PTPRD: variants seen among roughly 807,000 people sequenced by gnomAD.
The protein encoded by PTPRD is receptor-type tyrosine-protein phosphatase delta.
In PTPRD, 34 loss-of-function variants were observed where a neutral mutation model predicts 214.5. That is an observed-to-expected ratio of 0.16 (90% CI 0.12 to 0.21). The LOEUF (loss-of-function observed/expected upper bound fraction) is 0.21. Ranked by LOEUF, PTPRD falls within the 10% of genes least tolerant of loss-of-function variation. The pLI is 1.00. For synonymous variants in PTPRD, 1,128 were observed against 845.7 expected (o/e 1.33, Z -5.79); for missense variants, 2,545 against 2,398.7 (o/e 1.06, Z -1.27).
chr9:8,414,233 C>G (rs1046929686), intron 35 of PTPRD, among the ~76,000 whole-genome samples: 1 of 152,166 alleles, frequency 6.6e-6, no homozygotes, highest in African/African-American at 2.4e-5. Flanking sequence ...TGGCTCCCAG[C>G]TCACAAGTGG....
chr9:9,174,054 A>T (rs2099923117), intron 10 of PTPRD, among the ~76,000 whole-genome samples: 1 of 152,216 alleles, frequency 6.6e-6, no homozygotes, highest in Non-Finnish European at 1.5e-5. Context: ...AAGTATCTTT[A>T]AAAAATACTA....
intron 8 of PTPRD, among the ~76,000 whole-genome samples, chr9:9,429,476 A>C (rs113647948): frequency 0.065 from 9,972 of 152,262 alleles, 361 homozygotes; most frequent in Middle Eastern, 0.17. Context: ...AGAGGTACAA[A>C]GAGGAGCTGG....
At chr9:10,459,194 T>C (rs113565101) in intron 2 of PTPRD, among the ~76,000 whole-genome samples, 1,819 of 152,254 alleles carry the variant, frequency 0.012, 32 homozygotes, top group African/African-American at 0.039. Flanking sequence ...TGATGGTTCC[T>C]AGCTTCATCC....
chr9:9,425,395 TA>T (rs5896328), intron 8 of PTPRD, among the ~76,000 whole-genome samples: 115,977 of 145,756 alleles, frequency 0.8, 46,365 homozygotes, highest in Non-Finnish European at 0.81. Context: ...ATACATTATA[TA>T]ATTTATAATA....
chr9:10,032,446 A>G (rs1043055120), intron 4 of PTPRD, among the ~76,000 whole-genome samples: 9 of 152,144 alleles, frequency 5.9e-5, no homozygotes, highest in East Asian at 1.9e-4. Flanking sequence ...TGACTCTTCA[A>G]TTCTCTATAA....
chr9:8,593,412 GTAAGCTTGCC>G (rs959691150), intron 14 of PTPRD, among the ~76,000 whole-genome samples: 1 of 152,130 alleles, frequency 6.6e-6, no homozygotes, highest in African/African-American at 2.4e-5. Flanking sequence ...CTTGTTTATT[GTAAGCTTGCC>G]TTTGTTGTTG....
chr9:8,752,222 A>T (rs758328809), intron 11 of PTPRD, among the ~76,000 whole-genome samples: 3 of 152,196 alleles, frequency 2.0e-5, no homozygotes, highest in Non-Finnish European at 4.4e-5. Flanking sequence ...GATACAGGTC[A>T]TAAAGATCTT....
chr9:10,196,985 T>C (rs2099400923), intron 3 of PTPRD, among the ~76,000 whole-genome samples: 1 of 152,188 alleles, frequency 6.6e-6, no homozygotes, highest in African/African-American at 2.4e-5. Context: ...CTGACCATGC[T>C]GGCACGCTGA....
rs369857576 is a variant in PTPRD at position 8,658,068 on chromosome 9, C to T, written c.65-21224G>A. ...TATGCTTTGTTCTTTTATCTCTCCC[C>T]GAAATAACTGAATTGAGAGAATAAT... On this transcript the variant is annotated intron_variant, in intron 12 of 45. Coordinates refer to ENST00000381196, the MANE Select transcript of PTPRD (RefSeq NM_002839.4). Among the ~76,000 whole-genome samples the T allele has an allele frequency of 7.0e-4, 107 of 152,136 alleles. No individual in the cohort carries two copies. The East Asian group carries it at 8.1e-3, about 12-fold the overall frequency.
intron 11 of PTPRD, among the ~76,000 whole-genome samples, chr9:8,941,478 C>T (rs1024988580): frequency 1.1e-4 from 16 of 152,094 alleles, no homozygotes; most frequent in African/African-American, 3.9e-4. Flanking sequence ...TGGGTCCTGG[C>T]TCCACTAATC....
At chr9:8,516,243 A>G (rs1408780193) in intron 21 of PTPRD, among the ~76,000 whole-genome samples, 2 of 152,198 alleles carry the variant, frequency 1.3e-5, no homozygotes, top group Non-Finnish European at 2.9e-5. Context: ...AACAGCCTAC[A>G]GTATTTTTTT....
At chr9:9,962,204 C>T (rs7860014) in intron 4 of PTPRD, among the ~76,000 whole-genome samples, 15,715 of 151,848 alleles carry the variant, frequency 0.1, 1,339 homozygotes, top group East Asian at 0.36. Flanking sequence ...TATCAAAATA[C>T]GTCAGGAATT....
At chr9:9,019,913 A>C (rs76595086) in intron 10 of PTPRD, among the ~76,000 whole-genome samples, 4,720 of 152,164 alleles carry the variant, frequency 0.031, 81 homozygotes, top group East Asian at 0.068. Context: ...AGTGGAAATG[A>C]AGAAATTAAC....
Position 8,464,785 on chromosome 9 carries a change from G to C in PTPRD, c.3714+681C>G, listed in dbSNP as rs887868041. 3.3e-5 allele frequency among the ~76,000 whole-genome samples: 5 copies of C among 150,196 alleles called. No homozygotes were observed. The Admixed American group carries it at 3.3e-4, about 10-fold the overall frequency. ...TATAAGCAAGATGGATTACATAAAA[G>C]AAGAAAACTCATTATTTAGAATACC... On this transcript the variant is annotated intron_variant, in intron 32 of 45. Coordinates refer to ENST00000381196, the MANE Select transcript of PTPRD (RefSeq NM_002839.4).
intron 2 of PTPRD, among the ~76,000 whole-genome samples, chr9:10,489,034 C>A (rs2099151141): frequency 6.6e-6 from 1 of 152,068 alleles, no homozygotes; most frequent in African/African-American, 2.4e-5. Flanking sequence ...AGGAGTCTTG[C>A]CCCATAGACA....
intron 9 of PTPRD, among the ~76,000 whole-genome samples, chr9:9,310,418 T>C (rs1394930371): frequency 6.6e-6 from 1 of 152,142 alleles, no homozygotes. Flanking sequence ...TCCTTACCCA[T>C]TCTCTCTTCA....
chr9:10,504,816 C>A (rs1198437403), intron 2 of PTPRD, among the ~76,000 whole-genome samples: 1 of 152,112 alleles, frequency 6.6e-6, no homozygotes, highest in East Asian at 1.9e-4. Flanking sequence ...TACCTGACTA[C>A]CCCACATGCC....
chr9:8,608,121 CT>C lies in PTPRD; in HGVS notation c.352+25195del, dbSNP rs540724494. Among the ~76,000 whole-genome samples, 683 of 139,942 alleles carry C rather than the reference CT, an allele frequency of 4.9e-3. 11 individuals carry two copies. The highest frequency in any genetic ancestry group is 0.016 in the African/African-American group (587 of 37,576). 91.8% of individuals were successfully genotyped at this position (139,942 alleles called of 152,430 possible). A position where few individuals can be genotyped will look rare whatever the true frequency, so the allele number is the denominator to read the frequency against. On this transcript the variant is annotated intron_variant, in intron 14 of 45. Transcript: ENST00000381196. ...AGAATAGGACACAGTATTTCTAAAC[CT>C]TTTTTTTTTTAATCTAGACTTCTGT...
chr9:8,938,358 C>T (rs553985914), intron 11 of PTPRD, among the ~76,000 whole-genome samples: 146 of 152,094 alleles, frequency 9.6e-4, no homozygotes, highest in Non-Finnish European at 1.8e-3. Flanking sequence ...AACACAGCTA[C>T]GGTTTCTGAG....
Sources: gnomAD v4.1 joint callset for allele counts (sites outside exome capture counted in the v4.1 genomes callset) on GRCh38, gnomAD v4.1.1 for gene constraint, MANE v1.5 for transcripts, NCBI Gene and HGNC (gene_info 2026-07-23, HGNC 2026-07-21) for gene names.